The following P2RX4 variants were observed in gnomAD, a reference collection of about 807,000 sequenced individuals.
P2RX4 encodes the protein P2X purinoceptor 4.
P2RX4 carries 37 observed loss-of-function variants against 48.0 expected under a neutral mutation model. The observed-to-expected ratio is 0.77, with a 90% CI of 0.59 to 1.01. The LOEUF is 1.01. Ranked by LOEUF, P2RX4 falls within the 50% of genes least tolerant of loss-of-function variation. The pLI is 0.00. For synonymous variants in P2RX4, 200 were observed against 199.7 expected, an observed-to-expected ratio of 1.00 and a Z score of -0.01; for missense variants, 501 against 521.4, an observed-to-expected ratio of 0.96 and a Z score of 0.38.
chr12:121,212,578 A>T (rs1885931740), intron 1 of P2RX4, among the ~76,000 whole-genome samples: 1 of 148,584 alleles, frequency 6.7e-6, no homozygotes, highest in African/African-American at 2.5e-5. Flanking sequence ...ACCTGAGGTC[A>T]GGAGTTCGAG....
At chr12:121,231,696 C>T (rs746861752) in intron 8 of P2RX4, among the ~76,000 whole-genome samples, 4 of 151,982 alleles carry the variant, frequency 2.6e-5, no homozygotes, top group Non-Finnish European at 4.4e-5. Context: ...GTGTGACGAA[C>T]GAGTGGTTCT....
chr12:121,212,937 G>C (rs986299067), intron 1 of P2RX4: 9 of 148,152 alleles, frequency 6.1e-5, no homozygotes, highest in Non-Finnish European at 1.5e-5. Context: ...TGCTTTTGGC[G>C]TTTGCTGCTA....
intron 1 of P2RX4, chr12:121,214,419 A>G (rs1442597304): frequency 6.6e-6 from 1 of 151,634 alleles, no homozygotes; most frequent in East Asian, 1.9e-4. Flanking sequence ...AACTCATCTT[A>G]GTGAAATTGT....
rs565739193 is a variant in P2RX4, at chr12:121,211,836, G to A, written c.134+1538G>A. 8.5e-4 allele frequency among the ~76,000 whole-genome samples: 130 copies of A among 152,200 alleles called. 4 individuals carry two copies. Among genetic ancestry groups the A allele is most frequent in the South Asian group, 3.1e-3 (15 of 4,828 alleles). ...ATTACAGGCACCCACCACCATGCCC[G>A]GCTAATTTTTGTATTTTTAGTAGGG... On this transcript the variant is annotated intron_variant, in intron 1 of 11. Transcript: ENST00000337233.
chr12:121,233,323 T>G, intron 11 of P2RX4, 200 bp from the exon 12 acceptor site: 1 of 648,240 alleles, frequency 1.5e-6, no homozygotes. Context: ...ACATCTCAGG[T>G]TGGTGATGAT....
Position 121,223,004 on chromosome 12 carries a change from C to A in P2RX4, c.485C>A (p.Ala162Glu). The change falls in exon 5 of 12, where the codon GCG becomes GAG. Residue 162 changes from alanine (A) to glutamate (E), a missense_variant. Coordinates refer to ENST00000337233, the MANE Select transcript of P2RX4 (RefSeq NM_002560.3). ...GGGTCTGTCAAGACGTGTGAGGTGG[C>A]GGCCTGGTGCCCGGTGGAGGATGAC... is the stretch of plus-strand genomic sequence containing the variant. Reference protein sequence around the residue: ...FNGSVKTCEVAAWCPVEDDTH... With the variant: ...FNGSVKTCEVEAWCPVEDDTH... The A allele has an allele frequency of 6.2e-7, 1 of 1,613,246 alleles. No homozygotes were observed. The highest frequency in any genetic ancestry group is 1.1e-5 in the South Asian group (1 of 91,048).
chr12:121,214,305 C>T (rs1457649451), intron 1 of P2RX4: 1 of 152,012 alleles, frequency 6.6e-6, no homozygotes, highest in African/African-American at 2.4e-5. Flanking sequence ...ATCTTTAAAG[C>T]AGTAAATGCT....
intron 5 of P2RX4, among the ~76,000 whole-genome samples, chr12:121,225,889 T>TA (rs1886948916): frequency 6.6e-6 from 1 of 152,084 alleles, no homozygotes; most frequent in Admixed American, 6.6e-5. Context: ...TCTCATAAGA[T>TA]ACTTTTTTTT....
intron 5 of P2RX4, among the ~76,000 whole-genome samples, chr12:121,225,627 G>A (rs1886933673): frequency 6.6e-6 from 1 of 151,956 alleles, no homozygotes; most frequent in Admixed American, 6.6e-5. Flanking sequence ...TAGCCAGGAT[G>A]GTCTCGATCT....
At chr12:121,222,537 C>G (rs957463113) in intron 4 of P2RX4, 1 of 440,916 alleles carries the variant, frequency 2.3e-6, no homozygotes, top group Non-Finnish European at 4.4e-6. Flanking sequence ...CTCAGCCTCC[C>G]GAGTAGCTGG....
chr12:121,226,772 A>G (rs1312766112), intron 5 of P2RX4, among the ~76,000 whole-genome samples: 1 of 152,082 alleles, frequency 6.6e-6, no homozygotes, highest in Admixed American at 6.5e-5. Context: ...AAAAACTTGA[A>G]CACCCCTGTT....
chr12:121,227,062 C>A (rs1653599), intron 5 of P2RX4, among the ~76,000 whole-genome samples: 14 of 151,606 alleles, frequency 9.2e-5, no homozygotes, highest in African/African-American at 3.4e-4. Context: ...GAGCCGAGAT[C>A]GCGGCATTGC....
At position 121,232,931 on chromosome 12, in the gene P2RX4, C is replaced by T; in HGVS notation, c.1045-66C>T. On this transcript the variant is annotated intron_variant, in intron 10 of 11. Transcript: ENST00000337233. The surrounding 1 kb of genome is among the most constrained non-coding windows in gnomAD (Gnocchi z 4.3). ...TCCAGGCTTCTCAGGAAGGGGCACGCAAAGAATAAGATGGGTTGATGGGTT... is the reference window on the plus strand; with the variant it reads ...TCCAGGCTTCTCAGGAAGGGGCACGTAAAGAATAAGATGGGTTGATGGGTT... The T allele has an allele frequency of 8.7e-7, 1 of 1,147,148 alleles. No individual in the cohort carries two copies. The highest frequency in any genetic ancestry group is 1.3e-6 in the Non-Finnish European group (1 of 755,728). 71.1% of individuals were successfully genotyped at this position (1,147,148 alleles called of 1,614,324 possible).
intron 1 of P2RX4, chr12:121,212,824 A>ATTTTTTTTTTTTTTTTTTTT (rs1176783368): frequency 3.1e-5 from 1 of 32,262 alleles, no homozygotes; most frequent in African/African-American, 1.7e-4. Flanking sequence ...ATATATATAT[A>ATTTTTTTTTTTTTTTTTTTT]TTTTTTTTTT....
rs755748062 is a variant in P2RX4 at position 121,217,282 on chromosome 12, G to A, written c.282+1G>A. On this transcript the variant is annotated splice_donor_variant, in intron 2 of 11. Transcript: ENST00000337233. LOFTEE classifies it high-confidence loss of function. ...GGCGGATTATGTGATACCAGCTCAG[G>A]TGTGTCTCCCACTGTGTCTTCTGTC... 5.0e-6 allele frequency: 8 copies of A among 1,613,988 alleles called. No homozygotes were observed. The highest frequency in any genetic ancestry group is 1.1e-5 in the South Asian group (1 of 91,064).
rs547108639 is a variant in P2RX4 at position 121,228,579 on chromosome 12, A to G, written c.571A>G (p.Asn191Asp). 1.3e-5 allele frequency: 21 copies of G among 1,613,624 alleles called. No individual in the cohort carries two copies. The highest frequency in any genetic ancestry group is 1.6e-5 in the Non-Finnish European group (19 of 1,179,972). The change falls in exon 6 of 12, where the codon AAC (asparagine) becomes GAC (aspartate). Residue 191 changes from asparagine (N) to aspartate (D), a missense_variant. Physicochemically the swap from Asn to Asp is conservative, Grantham distance 23. Transcript: ENST00000337233. ...AGAAAACTTCACTCTTTTGGTTAAG[A>G]ACAACATCTGGTATCCCAAATTTAA... is the stretch of plus-strand genomic sequence containing the variant. The part of the protein sequence containing the change: ...AAENFTLLVK[N>D]NIWYPKFNFS...
At chr12:121,212,818 A>AT (rs1392673928) in intron 1 of P2RX4, 158 of 31,758 alleles carry the variant, frequency 5.0e-3, no homozygotes, top group African/African-American at 7.9e-3. Flanking sequence ...ATATATATAT[A>AT]TATATATTTT....
chr12:121,212,826 T>TATA (rs1480106416), intron 1 of P2RX4: 24 of 81,400 alleles, frequency 2.9e-4, no homozygotes, highest in Admixed American at 5.6e-4. Context: ...ATATATATAT[T>TATA]TTTTTTTTTT....
At position 121,232,795 on chromosome 12, in the gene P2RX4, T is replaced by C; in HGVS notation, c.1044+119T>C. 1 of 976,432 alleles carries C rather than the reference T, an allele frequency of 1.0e-6. No homozygotes were observed. 60.5% of individuals were successfully genotyped at this position (976,432 alleles called of 1,614,324 possible). A position where few individuals can be genotyped will look rare whatever the true frequency, so the allele number is the denominator to read the frequency against. On this transcript the variant is annotated intron_variant, in intron 10 of 11. Coordinates refer to ENST00000337233, the MANE Select transcript of P2RX4 (RefSeq NM_002560.3). The surrounding 1 kb of genome is among the most constrained non-coding windows in gnomAD (Gnocchi z 4.3). ...GTTTCTAAACTTGACCCTCCTACCT[T>C]CTTTCCCTTGGCCCCCAGCCCTCCT...
Sources: allele counts gnomAD v4.1 joint callset (sites outside exome capture counted in the v4.1 genomes callset), GRCh38; gene constraint gnomAD v4.1.1; non-coding constraint Gnocchi (gnomAD v3.1); transcripts MANE v1.5; gene names NCBI Gene and HGNC (gene_info 2026-07-23, HGNC 2026-07-21).